ZNF445: variants seen among roughly 807,000 people sequenced by gnomAD.
The protein encoded by ZNF445 is zinc finger protein 445.
A neutral mutation model predicts 93.9 loss-of-function variants in ZNF445; 19 were observed. The ratio of observed to expected loss-of-function variants is 0.20; its 90% confidence interval spans 0.14 to 0.30. ZNF445 has a LOEUF of 0.30. Among genes scored for constraint, ZNF445 ranks in the 10% least tolerant of loss-of-function variants. The pLI, the probability that ZNF445 is intolerant of heterozygous loss-of-function variation, is 1.00. For synonymous variants in ZNF445, 449 were observed against 446.3 expected (o/e 1.01, Z -0.08); for missense variants, 1,058 against 1,259.4 (o/e 0.84, Z 2.42).
At chr3:44,468,073 G>A (rs557381280) in intron 1 of ZNF445, among the ~76,000 whole-genome samples, 65 of 152,274 alleles carry the variant, frequency 4.3e-4, no homozygotes, top group African/African-American at 1.3e-3. Flanking sequence ...AGCCATGAAC[G>A]CCTGGCCAAG....
chr3:44,462,595 C>A (rs1418985636), intron 1 of ZNF445, among the ~76,000 whole-genome samples: 1 of 152,052 alleles, frequency 6.6e-6, no homozygotes, highest in Non-Finnish European at 1.5e-5. Context: ...AGGTTCCCCA[C>A]CCACCCATGG....
chr3:44,437,330 A>C lies in ZNF445; in HGVS notation c.*9245T>G, dbSNP rs887294760. On this transcript the variant is annotated 3_prime_UTR_variant, in exon 8 of 8. Coordinates refer to ENST00000396077, the MANE Select transcript of ZNF445 (RefSeq NM_181489.6). ...GGCCTGGATCTTGTGCCAATCTCCT[A>C]TCTCATCCCGTGACTTAGAATGCCT... The C allele has an allele frequency of 1.3e-5, 2 of 151,996 alleles. No homozygotes were observed. The highest frequency in any genetic ancestry group is 4.8e-5 in the African/African-American group (2 of 41,384). 9.4% of individuals were successfully genotyped at this position (151,996 alleles called of 1,614,324 possible).
At chr3:44,466,225 T>C (rs1434984192) in intron 1 of ZNF445, among the ~76,000 whole-genome samples, 1 of 152,168 alleles carries the variant, frequency 6.6e-6, no homozygotes, top group African/African-American at 2.4e-5. Context: ...CAAAGAATGA[T>C]TTATGGTGAC....
Position 44,473,490 on chromosome 3 carries a change from C to CACACACACACAA in ZNF445, c.-269+4100_-269+4101insTTGTGTGTGTGT, listed in dbSNP as rs774842477. 4.2e-3 allele frequency among the ~76,000 whole-genome samples: 242 copies of CACACACACACAA among 57,000 alleles called. 4 individuals are homozygous for CACACACACACAA. Among genetic ancestry groups the CACACACACACAA allele is most frequent in the African/African-American group, 0.01 (235 of 22,988 alleles). The allele number at this position is 57,000 out of a possible 152,430, so 37.4% of individuals were successfully genotyped here. Reference sequence around the variant, plus strand: ...ACACACACACACACACACACACACACAAAAAATGCTTTCAGTATATATTTA... The same window carrying CACACACACACAA: ...ACACACACACACACACACACACACACACACACACACAAAAAAAATGCTTTCAGTATATATTTA... On this transcript the variant is annotated intron_variant, in intron 1 of 7. Transcript: ENST00000396077.
At position 44,448,063 on chromosome 3, in the gene ZNF445, A is replaced by T. The variant is rs749465370; in HGVS notation, c.1608T>A (p.Thr536=). ...AATCGCATTTATAAGGCTTCACTCC[A>T]GTGTGAATTTTCTCATGCCGCGCAC... is the stretch of plus-strand genomic sequence containing the variant. The part of the protein sequence containing the change: ...SNCARHEKIH[T]GVKPYKCDLC... The change falls in exon 8 of 8, where the codon ACT becomes ACA. Residue 536 remains threonine, a synonymous_variant. Transcript: ENST00000396077. 6.2e-7 allele frequency: 1 copy of T among 1,612,602 alleles called. No homozygotes were observed. Among genetic ancestry groups the T allele is most frequent in the South Asian group, 1.1e-5 (1 of 91,078 alleles).
rs145752089 is a variant in ZNF445, at chr3:44,451,352, T to C, written c.560A>G (p.Tyr187Cys). 5.6e-6 allele frequency: 9 copies of C among 1,613,952 alleles called. No individual in the cohort carries two copies. Among genetic ancestry groups the C allele is most frequent in the Middle Eastern group, 1.6e-4 (1 of 6,082 alleles). ...SALGDHLEPP[Y>C]EIEARDFLAG... is the part of the protein sequence containing the mutation. ...CAGGAAGTCACGTGCTTCTATTTCATAGGGAGGCTCCAGGTGGTCCCCCAG... is the reference window on the plus strand; with the variant it reads ...CAGGAAGTCACGTGCTTCTATTTCACAGGGAGGCTCCAGGTGGTCCCCCAG... Residue 187 changes from tyrosine (Y) to cysteine (C), a missense_variant, in exon 4 of 8, where the codon TAT becomes TGT. This residue lies in a region of ZNF445 where 657 missense variants were observed against 746.4 expected (regional missense o/e 0.88). Transcript: ENST00000396077.
intron 1 of ZNF445, among the ~76,000 whole-genome samples, chr3:44,467,031 A>C (rs1478627651): frequency 6.6e-6 from 1 of 152,212 alleles, no homozygotes; most frequent in African/African-American, 2.4e-5. Flanking sequence ...ATAATCAGAT[A>C]TAGGACTCTA....
intron 3 of ZNF445, among the ~76,000 whole-genome samples, chr3:44,452,208 G>C (rs549601353): frequency 8.5e-5 from 13 of 152,246 alleles, no homozygotes; most frequent in Non-Finnish European, 1.6e-4. Flanking sequence ...GAGATTTTCT[G>C]GTCCTGTGGC....
rs1553614175 is a variant in ZNF445, at chr3:44,473,490, CAA to C, written c.-269+4099_-269+4100del. Among the ~76,000 whole-genome samples, 154 of 56,992 alleles carry C rather than the reference CAA, an allele frequency of 2.7e-3. 1 individual carries two copies. Among genetic ancestry groups the C allele is most frequent in the East Asian group, 0.021 (3 of 144 alleles). The allele number at this position is 56,992 out of a possible 152,430, so 37.4% of individuals were successfully genotyped here. On this transcript the variant is annotated intron_variant, in intron 1 of 7. Transcript: ENST00000396077. ...ACACACACACACACACACACACACA[CAA>C]AAAATGCTTTCAGTATATATTTAAA...
chr3:44,452,915 T>C (rs1356832328), intron 3 of ZNF445, among the ~76,000 whole-genome samples: 1 of 126,638 alleles, frequency 7.9e-6, no homozygotes, highest in East Asian at 4.2e-4. Flanking sequence ...GTTTCAGAAA[T>C]CTTTTTTTTT....
intron 1 of ZNF445, among the ~76,000 whole-genome samples, chr3:44,470,063 G>C (rs956397018): frequency 2.0e-5 from 3 of 152,062 alleles, no homozygotes; most frequent in South Asian, 4.2e-4. Flanking sequence ...GAATAGCTGA[G>C]ACTACAGACA....
chr3:44,452,675 T>C (rs911372589), intron 3 of ZNF445, among the ~76,000 whole-genome samples: 11 of 152,232 alleles, frequency 7.2e-5, no homozygotes, highest in Admixed American at 2.0e-4. Context: ...GTGTACCTCA[T>C]TTCCTTTTAT....
chr3:44,465,969 G>T (rs984082110), intron 1 of ZNF445, among the ~76,000 whole-genome samples: 1 of 152,054 alleles, frequency 6.6e-6, no homozygotes, highest in Non-Finnish European at 1.5e-5. Flanking sequence ...TAACATTAAA[G>T]ATGCATTAAT....
intron 1 of ZNF445, among the ~76,000 whole-genome samples, chr3:44,468,842 A>G (rs1698228198): frequency 6.6e-6 from 1 of 152,102 alleles, no homozygotes; most frequent in African/African-American, 2.4e-5. Flanking sequence ...TTGAGTAATA[A>G]TAAAACCCCA....
intron 4 of ZNF445, 35 bp from the exon 5 acceptor site, chr3:44,450,997 C>G: frequency 6.6e-7 from 1 of 1,504,852 alleles, no homozygotes; most frequent in Non-Finnish European, 8.9e-7. Context: ...AGCGGCTCAG[C>G]TCTGGACAGC....
rs764349642 is a variant in ZNF445 at position 44,431,818 on chromosome 3, T to C, written c.*14757A>G. On this transcript the variant is annotated 3_prime_UTR_variant, in exon 8 of 8. Transcript: ENST00000396077. The stretch of plus-strand genomic sequence containing the variant: ...ATGTCTATAACAGTGGTAAATACTG[T>C]GTAAAGGTTGTCGGCTACTTCTGAC... 3.3e-5 allele frequency: 5 copies of C among 152,208 alleles called. No individual in the cohort carries two copies. The highest frequency in any genetic ancestry group is 7.3e-5 in the Non-Finnish European group (5 of 68,036). The allele number at this position is 152,208 out of a possible 1,614,324, so 9.4% of individuals were successfully genotyped here. A position where few individuals can be genotyped will look rare whatever the true frequency, so the allele number is the denominator to read the frequency against.
At position 44,446,443 on chromosome 3, in the gene ZNF445, G is replaced by A; in HGVS notation, c.*132C>T. The A allele has an allele frequency of 7.3e-7, 1 of 1,363,718 alleles. No homozygotes were observed. The allele number at this position is 1,363,718 out of a possible 1,614,324, so 84.5% of individuals were successfully genotyped here. On this transcript the variant is annotated 3_prime_UTR_variant, in exon 8 of 8. Transcript: ENST00000396077. The surrounding 1 kb of genome is among the most constrained non-coding windows in gnomAD (Gnocchi z 4.2). Reference sequence around the variant, plus strand: ...GGACTCCCCGAGCTTTCAAATCCTTGGGATTCTGTCACTAGCTTCCAAAAC... The same window carrying A: ...GGACTCCCCGAGCTTTCAAATCCTTAGGATTCTGTCACTAGCTTCCAAAAC...
chr3:44,454,527 C>G (rs1430637154), intron 3 of ZNF445, among the ~76,000 whole-genome samples: 2 of 152,192 alleles, frequency 1.3e-5, no homozygotes, highest in African/African-American at 2.4e-5. Context: ...TTGACCTAAC[C>G]TGGGTTCAAG....
At position 44,448,300 on chromosome 3, in the gene ZNF445, G is replaced by A; in HGVS notation, c.1371C>T (p.Asn457=). ...AGTCTTTTCCACACACGTCCTTTTT[G>A]TTCCCTTTCAGTCCACTATGAATTC... ...HQRIHSGLKG[N]KKDVCGKDFS... Residue 457 remains asparagine, a synonymous_variant, in exon 8 of 8, where the codon AAC becomes AAT. Transcript: ENST00000396077. 1 of 1,614,128 alleles carries A rather than the reference G, an allele frequency of 6.2e-7. No homozygotes were observed.
Sources: allele counts gnomAD v4.1 joint callset (sites outside exome capture counted in the v4.1 genomes callset), GRCh38; gene constraint gnomAD v4.1.1; regional missense constraint gnomAD v4.1.1; non-coding constraint Gnocchi (gnomAD v3.1); transcripts MANE v1.5; gene names NCBI Gene and HGNC (gene_info 2026-07-23, HGNC 2026-07-21).